IGF1R: variants seen among roughly 807,000 people sequenced by gnomAD.
IGF1R encodes insulin like growth factor 1 receptor.
Under a neutral mutation model 144.6 loss-of-function variants are expected in IGF1R, and 44 were observed. The observed-to-expected ratio is 0.30, with a 90% CI of 0.24 to 0.39. The LOEUF (loss-of-function observed/expected upper bound fraction) is 0.39. IGF1R is among the 10% of genes least tolerant of loss of function. IGF1R has a pLI of 1.00. For missense variants in IGF1R, 1,355 were observed against 1,833.7 expected, an observed-to-expected ratio of 0.74 and a Z score of 4.77; for synonymous variants, 795 against 722.8, an observed-to-expected ratio of 1.10 and a Z score of -1.60.
chr15:98,821,132 A>C (rs2056793851), intron 2 of IGF1R, among the ~76,000 whole-genome samples: 1 of 152,198 alleles, frequency 6.6e-6, no homozygotes, highest in Non-Finnish European at 1.5e-5. Flanking sequence ...AAAATGAAGA[A>C]AAACAAAAAT....
At chr15:98,652,238 AG>A (rs2052386627) in intron 1 of IGF1R, among the ~76,000 whole-genome samples, 1 of 152,252 alleles carries the variant, frequency 6.6e-6, no homozygotes, top group Admixed American at 6.5e-5. Flanking sequence ...TCTGAGTGAT[AG>A]CCAGATAATC....
chr15:98,718,842 A>G (rs544746441), intron 2 of IGF1R, among the ~76,000 whole-genome samples: 7 of 152,338 alleles, frequency 4.6e-5, no homozygotes, highest in African/African-American at 7.2e-5. Context: ...TGTTTGAATT[A>G]GGATCACCCC....
At chr15:98,771,425 A>T (rs767950037) in intron 2 of IGF1R, among the ~76,000 whole-genome samples, 20 of 152,302 alleles carry the variant, frequency 1.3e-4, no homozygotes, top group Non-Finnish European at 2.6e-4. Context: ...CCTGTGAATA[A>T]AGCAAACCGA....
chr15:98,899,288 C>T (rs1486967334), intron 4 of IGF1R, among the ~76,000 whole-genome samples, 189 bp from the exon 5 acceptor site: 4 of 152,340 alleles, frequency 2.6e-5, no homozygotes, highest in Middle Eastern at 3.4e-3. Flanking sequence ...TGGGAGGCCT[C>T]GTTCCAGGAG....
intron 2 of IGF1R, among the ~76,000 whole-genome samples, chr15:98,743,995 G>C (rs2054807179): frequency 1.3e-5 from 2 of 152,176 alleles, no homozygotes; most frequent in Admixed American, 1.3e-4. Flanking sequence ...AGGAAGATCA[G>C]GTGGGGACTG....
chr15:98,650,762 G>T (rs1196518363), intron 1 of IGF1R: 6 of 362,234 alleles, frequency 1.7e-5, no homozygotes, highest in African/African-American at 1.3e-4. Context: ...TGTTGTGGTC[G>T]GCGTCGTGTC....
intron 18 of IGF1R, among the ~76,000 whole-genome samples, chr15:98,940,564 C>T (rs2016325745): frequency 6.6e-6 from 1 of 152,162 alleles, no homozygotes; most frequent in African/African-American, 2.4e-5. Context: ...CCACCACACC[C>T]AGCTGATTTT....
intron 13 of IGF1R, among the ~76,000 whole-genome samples, 174 bp downstream of exon 13, chr15:98,924,858 G>T (rs1002868057): frequency 2.0e-5 from 3 of 152,190 alleles, no homozygotes; most frequent in African/African-American, 7.2e-5. Context: ...TGAAAGGTTG[G>T]GCAGGGCAGA....
At chr15:98,922,001 C>T in intron 10 of IGF1R, 147 bp from the exon 11 acceptor site, 1 of 769,506 alleles carries the variant, frequency 1.3e-6, no homozygotes, top group Non-Finnish European at 2.2e-6. Flanking sequence ...GAAGGACATC[C>T]CTGTGTTATT....
intron 4 of IGF1R, among the ~76,000 whole-genome samples, chr15:98,898,720 A>G (rs922021209): frequency 5.3e-5 from 8 of 152,230 alleles, no homozygotes. Flanking sequence ...CCAGTTCATT[A>G]TAGTGTTTAT....
At chr15:98,796,169 G>T (rs886867140) in intron 2 of IGF1R, among the ~76,000 whole-genome samples, 2 of 54,362 alleles carry the variant, frequency 3.7e-5, no homozygotes, top group Admixed American at 4.2e-4. Flanking sequence ...CCAGCATCGT[G>T]TGGGCACTGT....
At chr15:98,899,317 C>T (rs1156525459) in intron 4 of IGF1R, among the ~76,000 whole-genome samples, 160 bp from the exon 5 acceptor site, 1 of 152,168 alleles carries the variant, frequency 6.6e-6, no homozygotes, top group Non-Finnish European at 1.5e-5. Context: ...GAGAGTCAAG[C>T]CAGGGAAGTG....
At chr15:98,652,932 C>T (rs987563836) in intron 1 of IGF1R, among the ~76,000 whole-genome samples, 1 of 123,436 alleles carries the variant, frequency 8.1e-6, no homozygotes, top group African/African-American at 3.3e-5. Context: ...TCTCAATAAA[C>T]CCTTTTTTTT....
chr15:98,786,001 G>C (rs956996209), intron 2 of IGF1R, among the ~76,000 whole-genome samples: 3 of 152,208 alleles, frequency 2.0e-5, no homozygotes, highest in African/African-American at 7.2e-5. Context: ...CAGCCTTTCA[G>C]CTGCTGCCCC....
chr15:98,793,139 A>G (rs2056164402), intron 2 of IGF1R, among the ~76,000 whole-genome samples: 1 of 152,214 alleles, frequency 6.6e-6, no homozygotes, highest in Non-Finnish European at 1.5e-5. Flanking sequence ...CCCCGATCAT[A>G]AAGTTCCATT....
chr15:98,784,975 A>G (rs2055956444), intron 2 of IGF1R, among the ~76,000 whole-genome samples: 1 of 152,202 alleles, frequency 6.6e-6, no homozygotes. Context: ...TAGATTTTCG[A>G]CAACTTGAAT....
chr15:98,832,590 T>C (rs1470428814), intron 2 of IGF1R, among the ~76,000 whole-genome samples: 1 of 152,246 alleles, frequency 6.6e-6, no homozygotes, highest in Non-Finnish European at 1.5e-5. Flanking sequence ...TGAATGTGAA[T>C]TAAGTATGTA....
Position 98,700,707 on chromosome 15 carries a change from C to A in IGF1R, c.95-6855C>A, listed in dbSNP as rs1207239760. Reference sequence around the variant, plus strand: ...CCACACGGGCTGCACCCCTGGGATTCCCCCAGCTGCCACCAGGCATCAGCT... The same window carrying A: ...CCACACGGGCTGCACCCCTGGGATTACCCCAGCTGCCACCAGGCATCAGCT... On this transcript the variant is annotated intron_variant, in intron 1 of 20. Transcript: ENST00000650285. 5.9e-5 allele frequency among the ~76,000 whole-genome samples: 9 copies of A among 152,154 alleles called. No individual in the cohort carries two copies. In the East Asian group the frequency reaches 9.7e-4, roughly 16 times the overall value.
intron 20 of IGF1R, among the ~76,000 whole-genome samples, chr15:98,952,359 A>C (rs920178469): frequency 2.0e-5 from 3 of 148,662 alleles, no homozygotes; most frequent in African/African-American, 5.0e-5. Flanking sequence ...CATCTGCTCC[A>C]CACTTTGAGC....
Sources: gnomAD v4.1 joint callset for allele counts (sites outside exome capture counted in the v4.1 genomes callset) on GRCh38, gnomAD v4.1.1 for gene constraint, MANE v1.5 for transcripts, NCBI Gene and HGNC (gene_info 2026-07-23, HGNC 2026-07-21) for gene names.